The following PLEKHG5 variants were observed in gnomAD, a reference collection of about 807,000 sequenced individuals.
PLEKHG5 encodes the protein pleckstrin homology and RhoGEF domain containing G5, also known as pleckstrin homology domain-containing family G member 5.
A neutral mutation model predicts 103.8 loss-of-function variants in PLEKHG5; 52 were observed. The observed-to-expected ratio is 0.50, with a 90% CI of 0.40 to 0.63. The LOEUF is 0.63. Among genes scored for constraint, PLEKHG5 ranks in the 30% least tolerant of loss-of-function variants. The probability of loss-of-function intolerance (pLI) is 0.00; values close to 1 mark genes in which losing one functional copy is unlikely to be tolerated. For missense variants in PLEKHG5, 1,205 were observed against 1,347.6 expected, an observed-to-expected ratio of 0.89 and a Z score of 1.66; for synonymous variants, 592 against 575.5, an observed-to-expected ratio of 1.03 and a Z score of -0.41.
chr1:6,485,136 G>T (rs1206290645), intron 1 of PLEKHG5, among the ~76,000 whole-genome samples: 1 of 152,166 alleles, frequency 6.6e-6, no homozygotes, highest in Non-Finnish European at 1.5e-5. Flanking sequence ...CCCGGAGTCC[G>T]AGGTCCCCGT....
upstream of PLEKHG5, among the ~76,000 whole-genome samples, chr1:6,492,654 G>A (rs1372183845): frequency 1.3e-5 from 2 of 152,112 alleles, no homozygotes; most frequent in East Asian, 3.9e-4. Context: ...TTATATATGG[G>A]CCTCTTTTAA....
intron 1 of PLEKHG5, among the ~76,000 whole-genome samples, chr1:6,518,380 G>C (rs1369186188): frequency 6.6e-6 from 1 of 151,342 alleles, no homozygotes; most frequent in Admixed American, 6.6e-5. Flanking sequence ...AACCAACATG[G>C]AGAAACCCCG....
chr1:6,519,519 C>T, exon 1 of PLEKHG5: 1 of 1,612,660 alleles, frequency 6.2e-7, no homozygotes, highest in Non-Finnish European at 8.5e-7. Context: ...CATGCTTGAC[C>T]TCTGCGGTGG....
intron 1 of PLEKHG5, chr1:6,485,366 C>T: frequency 7.0e-7 from 1 of 1,421,334 alleles, no homozygotes; most frequent in Non-Finnish European, 9.1e-7. Flanking sequence ...CCCAGGAGGG[C>T]TCCGAGTCCC....
At chr1:6,503,682 T>C (rs6678231) in intron 1 of PLEKHG5, among the ~76,000 whole-genome samples, 12,039 of 152,224 alleles carry the variant, frequency 0.079, 642 homozygotes, top group African/African-American at 0.15. Flanking sequence ...AGTGCTGGGA[T>C]TACAGGCATA....
chr1:6,512,342 G>A (rs894699930), intron 1 of PLEKHG5, among the ~76,000 whole-genome samples: 47 of 152,318 alleles, frequency 3.1e-4, no homozygotes, highest in African/African-American at 1.1e-3. Flanking sequence ...AGCTCAAGTG[G>A]GCTTCTCCCA....
Position 6,471,820 on chromosome 1 carries a change from G to C in PLEKHG5, c.1081-12C>G. The C allele has an allele frequency of 1.2e-6, 2 of 1,603,426 alleles. No individual in the cohort carries two copies. Among genetic ancestry groups the C allele is most frequent in the Non-Finnish European group, 1.7e-6 (2 of 1,175,170 alleles). On this transcript the variant is annotated splice_polypyrimidine_tract_variant and intron_variant, in intron 10 of 20. Transcript: ENST00000377728. ...CAGCACAGGAACAGCTGTGGGATCA[G>C]GGGATGGTGTGACTGGGGTCGGGAG... is the stretch of plus-strand genomic sequence containing the variant.
chr1:6,506,420 C>T lies in PLEKHG5; in HGVS notation c.-164-9851G>A, dbSNP rs191513848. 1.4e-3 allele frequency among the ~76,000 whole-genome samples: 218 copies of T among 152,360 alleles called. 2 individuals are homozygous for T. The highest frequency in any genetic ancestry group is 2.2e-3 in the Non-Finnish European group (148 of 68,034). Reference sequence around the variant, plus strand: ...AGACATTTTACAAATTTCGCCTTCCCGGCCCCCTCGGAGCCCCCACCGAGG... The same window carrying T: ...AGACATTTTACAAATTTCGCCTTCCTGGCCCCCTCGGAGCCCCCACCGAGG... On this transcript the variant is annotated intron_variant, in intron 1 of 21. Coordinates refer to the PLEKHG5 transcript ENST00000377740.
At chr1:6,497,348 G>GGGCGGGC (rs1399343441), upstream of PLEKHG5, 5 of 1,045,532 alleles carry the variant, frequency 4.8e-6, no homozygotes, top group African/African-American at 6.7e-5. The surrounding 1 kb of genome is among the most constrained non-coding windows in gnomAD (Gnocchi z 6.1). Context: ...GCCGCGCGGG[G>GGGCGGGC]GGCGGGCGGC....
chr1:6,509,088 C>T (rs1638405678), intron 1 of PLEKHG5, among the ~76,000 whole-genome samples: 1 of 152,256 alleles, frequency 6.6e-6, no homozygotes, highest in Non-Finnish European at 1.5e-5. Context: ...AGCCCCAGAC[C>T]TATCTCGGGG....
At chr1:6,476,253 T>C (rs936246309) in intron 2 of PLEKHG5, among the ~76,000 whole-genome samples, 1 of 152,028 alleles carries the variant, frequency 6.6e-6, no homozygotes, top group Non-Finnish European at 1.5e-5. Flanking sequence ...TGCAGTGGCA[T>C]GATCTCGGCT....
intron 3 of PLEKHG5, 88 bp downstream of exon 3, chr1:6,475,843 C>A: frequency 1.8e-6 from 2 of 1,109,484 alleles, no homozygotes; most frequent in Non-Finnish European, 2.8e-6. Flanking sequence ...TTGAGGAAGG[C>A]GCCAGAGCAT....
At chr1:6,485,559 C>G in intron 1 of PLEKHG5, 1 of 1,071,584 alleles carries the variant, frequency 9.3e-7, no homozygotes, top group Non-Finnish European at 1.2e-6. Context: ...CGGGGAGGGC[C>G]GGGCCCGGAA....
In PLEKHG5 at chr1:6,479,016, C is replaced by A. The variant is rs115593908; in HGVS notation, c.-87-1358G>T. On this transcript the variant is annotated intron_variant, in intron 1 of 20. Transcript: ENST00000377728. ...TGACATCCACATGCCCTCTGGACTC[C>A]CCAAGTTGATATCTACCACATCTGC... is the stretch of plus-strand genomic sequence containing the variant. Among the ~76,000 whole-genome samples the A allele has an allele frequency of 5.4e-3, 738 of 136,754 alleles. 11 individuals are homozygous for A. The highest frequency in any genetic ancestry group is 0.019 in the African/African-American group (667 of 35,270). 89.7% of individuals were successfully genotyped at this position (136,754 alleles called of 152,430 possible). A position where few individuals can be genotyped will look rare whatever the true frequency, so the allele number is the denominator to read the frequency against.
chr1:6,469,787 C>A, intron 16 of PLEKHG5, 111 bp from the exon 17 acceptor site: 1 of 917,008 alleles, frequency 1.1e-6, no homozygotes, highest in Admixed American at 2.2e-5. Flanking sequence ...CTCCTCCCAC[C>A]ATGAACCTTC....
chr1:6,513,641 T>C (rs939576771), intron 1 of PLEKHG5, among the ~76,000 whole-genome samples: 21 of 152,342 alleles, frequency 1.4e-4, no homozygotes, highest in African/African-American at 4.6e-4. Context: ...GGGCCAAGTC[T>C]GTCCAAGGAA....
Position 6,474,110 on chromosome 1 carries a change from T to C in PLEKHG5, c.494A>G (p.Lys165Arg), listed in dbSNP as rs765159050. The C allele has an allele frequency of 3.1e-6, 5 of 1,613,354 alleles. No individual in the cohort carries two copies. The highest frequency in any genetic ancestry group is 3.3e-5 in the Admixed American group (2 of 59,988). ...CCGCAGAATCGGCAAACTCAGGGAC[T>C]TGGAGTCCTTCATGCCCTGCTCCAC... ...GKVEQGMKDS[K>R]SLSLPILRPA... Residue 165 changes from lysine to arginine, a missense_variant, in exon 7 of 21, where the codon AAG (lysine) becomes AGG (arginine). By Grantham distance (26) the Lys-to-Arg change is conservative (BLOSUM62 2). Transcript: ENST00000377728.
In PLEKHG5 at chr1:6,472,992, C is replaced by A. The variant is rs1327754548; in HGVS notation, c.978G>T (p.Gly326=). The change falls in exon 9 of 21, where the codon GGG becomes GGT. Residue 326 remains glycine, a synonymous_variant. Transcript: ENST00000377728. ...LEDSWRELID[G]HEKLTRRQCH... ...CACTGTGGCCCGCACTCACCTCATG[C>A]CCATCAATGAGCTCCCGCCAGCTGT... is the stretch of plus-strand genomic sequence containing the variant. 1 of 1,613,878 alleles carries A rather than the reference C, an allele frequency of 6.2e-7. No individual in the cohort carries two copies. Among genetic ancestry groups the A allele is most frequent in the Non-Finnish European group, 8.5e-7 (1 of 1,179,860 alleles).
intron 1 of PLEKHG5, among the ~76,000 whole-genome samples, chr1:6,517,261 C>T (rs567956436): frequency 2.7e-5 from 4 of 148,046 alleles, no homozygotes; most frequent in African/African-American, 7.6e-5. Context: ...GAGCCGAGAT[C>T]GCGCCACTGC....
Sources: allele counts gnomAD v4.1 joint callset (sites outside exome capture counted in the v4.1 genomes callset), GRCh38; gene constraint gnomAD v4.1.1; non-coding constraint Gnocchi (gnomAD v3.1); transcripts MANE v1.5; gene names NCBI Gene and HGNC (gene_info 2026-07-23, HGNC 2026-07-21).